Variants in ZPBP observed in about 807,000 individuals in gnomAD.
ZPBP encodes the protein zona pellucida binding protein, also known as zona pellucida-binding protein 1.
In ZPBP, 26 loss-of-function variants were observed where a neutral mutation model predicts 44.8. The observed-to-expected ratio is 0.58, with a 90% CI of 0.43 to 0.81. The LOEUF (loss-of-function observed/expected upper bound fraction) is 0.81. ZPBP is among the 30% of genes least tolerant of loss of function. The probability of loss-of-function intolerance (pLI) is 0.00; values close to 1 mark genes in which losing one functional copy is unlikely to be tolerated. For synonymous variants in ZPBP, 174 were observed against 153.2 expected (o/e 1.14, Z -1.00); for missense variants, 409 against 434.0 (o/e 0.94, Z 0.51).
the ZPBP span, among the ~76,000 whole-genome samples, chr7:49,844,715 G>A: frequency 2.6e-5 from 4 of 151,848 alleles, no homozygotes; most frequent in Non-Finnish European, 2.9e-5. Flanking sequence ...TTTTTGAGAC[G>A]GAGTTTGGCT....
chr7:50,079,358 T>C (rs774353299), intron 3 of ZPBP, among the ~76,000 whole-genome samples: 1 of 151,662 alleles, frequency 6.6e-6, no homozygotes, highest in Non-Finnish European at 1.5e-5. Flanking sequence ...TTAATATGTG[T>C]AAATTGTTAG....
intron 5 of ZPBP, among the ~76,000 whole-genome samples, chr7:50,019,595 G>A (rs189280114): frequency 2.0e-5 from 3 of 152,136 alleles, no homozygotes; most frequent in African/African-American, 7.2e-5. Context: ...TTGATATGAA[G>A]ATCATAAAAT....
At chr7:49,995,838 A>G (rs1032374292) in intron 6 of ZPBP, among the ~76,000 whole-genome samples, 2 of 152,144 alleles carry the variant, frequency 1.3e-5, no homozygotes, top group Admixed American at 1.3e-4. Flanking sequence ...AGGAGGTAGA[A>G]AGTAGAATGA....
At chr7:50,048,374 C>T (rs11983726) in intron 4 of ZPBP, among the ~76,000 whole-genome samples, 28,550 of 151,944 alleles carry the variant, frequency 0.19, 3,048 homozygotes, top group African/African-American at 0.28. Context: ...CCAAATAGAT[C>T]TGAGAGTCAT....
chr7:50,070,553 C>T (rs1196093558), intron 3 of ZPBP, among the ~76,000 whole-genome samples: 1 of 152,220 alleles, frequency 6.6e-6, no homozygotes, highest in Non-Finnish European at 1.5e-5. Context: ...GACAGTAAAT[C>T]TGTCATCTTC....
intron 2 of ZPBP, among the ~76,000 whole-genome samples, chr7:49,896,529 T>C (rs1227148392): frequency 2.0e-5 from 3 of 150,676 alleles, no homozygotes; most frequent in Non-Finnish European, 4.4e-5. Context: ...AAAGAAAAAA[T>C]AGTAAAGATG....
intron 6 of ZPBP, among the ~76,000 whole-genome samples, chr7:49,997,373 A>T (rs1032706342): frequency 3.9e-5 from 6 of 152,318 alleles, no homozygotes; most frequent in African/African-American, 1.4e-4. Flanking sequence ...GGCCTGATCC[A>T]CCTTTAACAT....
At chr7:50,049,099 A>G (rs375248461) in intron 4 of ZPBP, among the ~76,000 whole-genome samples, 1 of 152,202 alleles carries the variant, frequency 6.6e-6, no homozygotes, top group African/African-American at 2.4e-5. Flanking sequence ...TTAGGAAGAC[A>G]CAAACTACTG....
At chr7:50,085,041 A>G (rs1390321426) in intron 2 of ZPBP, among the ~76,000 whole-genome samples, 2 of 152,096 alleles carry the variant, frequency 1.3e-5, no homozygotes, top group African/African-American at 2.4e-5. Context: ...GTACTTCAGG[A>G]TATAAACTTA....
chr7:49,930,336 G>T (rs778816587), intron 1 of ZPBP, among the ~76,000 whole-genome samples: 3 of 152,098 alleles, frequency 2.0e-5, no homozygotes, highest in Non-Finnish European at 2.9e-5. Flanking sequence ...TTTAATTATT[G>T]TGACTCATTT....
intron 1 of ZPBP, among the ~76,000 whole-genome samples, chr7:50,091,897 C>T (rs909942773): frequency 6.6e-6 from 1 of 152,142 alleles, no homozygotes; most frequent in South Asian, 2.1e-4. Flanking sequence ...AGTTTAAATC[C>T]TAATTCTGCC....
At chr7:49,848,219 A>T (rs28370344), downstream of ZPBP, among the ~76,000 whole-genome samples, 7 of 152,174 alleles carry the variant, frequency 4.6e-5, no homozygotes, top group African/African-American at 1.7e-4. Context: ...TTATGCTGCA[A>T]GTGTCTTTGG....
At chr7:49,986,307 CT>C (rs1255703964) in intron 6 of ZPBP, among the ~76,000 whole-genome samples, 1 of 152,164 alleles carries the variant, frequency 6.6e-6, no homozygotes, top group African/African-American at 2.4e-5. Flanking sequence ...CATTTTCCTT[CT>C]TTTTTTCAGG....
At chr7:49,909,211 C>T (rs1226410819) in intron 1 of ZPBP, among the ~76,000 whole-genome samples, 1 of 152,162 alleles carries the variant, frequency 6.6e-6, no homozygotes, top group African/African-American at 2.4e-5. Flanking sequence ...TCTAAGGATA[C>T]AGGTCTTCTG....
In ZPBP at chr7:49,975,089, G is replaced by A. The variant is rs141903958; in HGVS notation, c.961+8253C>T. On this transcript the variant is annotated intron_variant, in intron 7 of 7. Transcript: ENST00000046087. ...CACAAGCAGTTTGCTTTCAGTCTGC[G>A]AAACTCAGACAAATAGCTTCCTGCT... 5.6e-3 allele frequency among the ~76,000 whole-genome samples: 858 copies of A among 152,244 alleles called. 9 individuals carry two copies. The highest frequency in any genetic ancestry group is 0.013 in the South Asian group (65 of 4,832).
chr7:49,933,210 A>T (rs1794505627), downstream of ZPBP, among the ~76,000 whole-genome samples: 1 of 152,210 alleles, frequency 6.6e-6, no homozygotes, highest in Non-Finnish European at 1.5e-5. Context: ...TAGCATGAAT[A>T]AAAAAGTCAC....
Position 49,969,702 on chromosome 7 carries a change from C to T in ZPBP, c.961+13640G>A, listed in dbSNP as rs1244322. Among the ~76,000 whole-genome samples the T allele has an allele frequency of 3.1e-3, 467 of 151,398 alleles. 1 individual carries two copies. Among genetic ancestry groups the T allele is most frequent in the African/African-American group, 0.011 (448 of 41,248 alleles). ...AAAGGACTTTCTACAAAAATGTTAG[C>T]AAACAGCACTGTATAAAAATGAAAA... On this transcript the variant is annotated intron_variant, in intron 7 of 7. Coordinates refer to ENST00000046087, the MANE Select transcript of ZPBP (RefSeq NM_007009.3).
intron 7 of ZPBP, among the ~76,000 whole-genome samples, chr7:49,951,038 T>C (rs1199349130): frequency 6.6e-6 from 1 of 151,780 alleles, no homozygotes; most frequent in African/African-American, 2.4e-5. Flanking sequence ...AACAACTAGA[T>C]AGCCACATGT....
intron 2 of ZPBP, among the ~76,000 whole-genome samples, chr7:50,085,730 G>A (rs945563112): frequency 1.3e-5 from 2 of 152,074 alleles, no homozygotes; most frequent in African/African-American, 4.8e-5. Flanking sequence ...CTTTGTGACT[G>A]CCTGATACAC....
Sources: gnomAD v4.1 joint callset for allele counts (sites outside exome capture counted in the v4.1 genomes callset) on GRCh38, gnomAD v4.1.1 for gene constraint, MANE v1.5 for transcripts, NCBI Gene and HGNC (gene_info 2026-07-23, HGNC 2026-07-21) for gene names.